The following C1orf216 variants were observed in gnomAD, a reference collection of about 807,000 sequenced individuals.
C1orf216 encodes chromosome 1 open reading frame 216.
A neutral mutation model predicts 16.4 loss-of-function variants in C1orf216; 18 were observed. The observed-to-expected ratio is 1.10, with a 90% confidence interval of 0.76 to 1.63. C1orf216 has a LOEUF of 1.63. Ranked by LOEUF, C1orf216 falls within the 40% of genes most tolerant of loss-of-function variation. The pLI, the probability that C1orf216 is intolerant of heterozygous loss-of-function variation, is 0.00. For synonymous variants in C1orf216, 115 were observed against 116.9 expected, an observed-to-expected ratio of 0.98 and a Z score of 0.11; for missense variants, 271 against 297.6, an observed-to-expected ratio of 0.91 and a Z score of 0.66.
chr1:35,717,418 G>A (rs747589564), intron 1 of C1orf216, among the ~76,000 whole-genome samples: 5 of 151,910 alleles, frequency 3.3e-5, no homozygotes, highest in Non-Finnish European at 7.4e-5. Context: ...TTTTCTTACA[G>A]TATTCCTTTG....
At position 35,717,093 on chromosome 1, in the gene C1orf216, A is replaced by T. The variant is rs889986292; in HGVS notation, c.-5-767T>A. 3.9e-5 allele frequency among the ~76,000 whole-genome samples: 6 copies of T among 152,062 alleles called. No individual in the cohort carries two copies. The East Asian group carries it at 7.7e-4, about 20-fold the overall frequency. On this transcript the variant is annotated intron_variant, in intron 1 of 1. Transcript: ENST00000270815. ...TCTGTACTCCATCCAGAAAGCTGAG[A>T]GCATCCTGGGGTCCTCACTATCCTT... is the stretch of plus-strand genomic sequence containing the variant.
intron 1 of C1orf216, among the ~76,000 whole-genome samples, chr1:35,717,984 C>T (rs1640978592): frequency 6.6e-6 from 1 of 152,082 alleles, no homozygotes; most frequent in Admixed American, 6.6e-5. Context: ...CCAGGGAGCC[C>T]CGCCTTCCCC....
rs1640927584 is a variant in C1orf216, at chr1:35,714,979, A to T, written c.*653T>A. ...ATCCCAGGAGAATGGGTCAGCCACA[A>T]CCTTCAGATAAATGACAGCATGCTA... On this transcript the variant is annotated 3_prime_UTR_variant, in exon 2 of 2. Coordinates refer to ENST00000270815, the MANE Select transcript of C1orf216 (RefSeq NM_152374.2). The T allele has an allele frequency of 6.6e-6, 1 of 152,652 alleles. No homozygotes were observed. Among genetic ancestry groups the T allele is most frequent in the East Asian group, 1.9e-4 (1 of 5,204 alleles). 9.5% of individuals were successfully genotyped at this position (152,652 alleles called of 1,614,324 possible). A position where few individuals can be genotyped will look rare whatever the true frequency, so the allele number is the denominator to read the frequency against.
rs1476909503 is a variant in C1orf216 at position 35,714,756 on chromosome 1, C to A, written c.*876G>T. On this transcript the variant is annotated 3_prime_UTR_variant, in exon 2 of 2. Coordinates refer to ENST00000270815, the MANE Select transcript of C1orf216 (RefSeq NM_152374.2). ...CTATGTCCTCTGTCCCCATCCCCAC[C>A]ATCATCTTCATCACTACTCCTGGTT... 2 of 152,550 alleles carry A rather than the reference C, an allele frequency of 1.3e-5. No individual in the cohort carries two copies. The highest frequency in any genetic ancestry group is 4.8e-5 in the African/African-American group (2 of 41,466). 9.4% of individuals were successfully genotyped at this position (152,550 alleles called of 1,614,324 possible).
Position 35,716,051 on chromosome 1 carries a change from G to A in C1orf216, c.271C>T (p.Pro91Ser), listed in dbSNP as rs563604914. ...VRSPPEGAEIPGAEPEKMGGA... is the reference protein window; with the variant it reads ...VRSPPEGAEISGAEPEKMGGA... ...CCCATCTTCTCAGGCTCAGCCCCGG[G>A]AATCTCTGCCCCCTCTGGGGGGCTG... The change falls in exon 2 of 2, where the codon CCC becomes TCC. Residue 91 changes from proline (P) to serine (S), a missense_variant. Around this residue, in one of 3 missense-constraint regions of C1orf216, gnomAD observed 220 missense variants for 227.8 expected, o/e 0.97. Coordinates refer to ENST00000270815, the MANE Select transcript of C1orf216 (RefSeq NM_152374.2). 1 of 1,614,078 alleles carries A rather than the reference G, an allele frequency of 6.2e-7. No homozygotes were observed. Among genetic ancestry groups the A allele is most frequent in the East Asian group, 2.2e-5 (1 of 44,870 alleles).
Position 35,715,620 on chromosome 1 carries a change from G to A in C1orf216, c.*12C>T. On this transcript the variant is annotated 3_prime_UTR_variant, in exon 2 of 2. Transcript: ENST00000270815. This position sits in a 1 kb window ranked among gnomAD's most constrained non-coding sequence, Gnocchi z 4.3. ...TATACATATACCCTTGCACACTTGT[G>A]GAGGCACACCCTTAGGCCTGGTCCT... 1 of 1,600,012 alleles carries A rather than the reference G, an allele frequency of 6.2e-7. No individual in the cohort carries two copies. The highest frequency in any genetic ancestry group is 1.1e-5 in the South Asian group (1 of 89,624).
At position 35,716,343 on chromosome 1, in the gene C1orf216, G is replaced by A; in HGVS notation, c.-5-17C>T. 1.3e-6 allele frequency: 2 copies of A among 1,590,528 alleles called. No homozygotes were observed. The highest frequency in any genetic ancestry group is 1.7e-6 in the Non-Finnish European group (2 of 1,168,248). On this transcript the variant is annotated splice_polypyrimidine_tract_variant and intron_variant, in intron 1 of 1. Transcript: ENST00000270815. The stretch of plus-strand genomic sequence containing the variant: ...ACATCTAGCCTGTAAAGGGAAAGCA[G>A]GAGACCGAGTCACAGTAGGACAGGG...
In C1orf216 at chr1:35,715,119, A is replaced by G. The variant is rs1317889871; in HGVS notation, c.*513T>C. 1 of 166,118 alleles carries G rather than the reference A, an allele frequency of 6.0e-6. No individual in the cohort carries two copies. Among genetic ancestry groups the G allele is most frequent in the Non-Finnish European group, 1.3e-5 (1 of 75,440 alleles). The allele number at this position is 166,118 out of a possible 1,614,324, so 10.3% of individuals were successfully genotyped here. A position where few individuals can be genotyped will look rare whatever the true frequency, so the allele number is the denominator to read the frequency against. On this transcript the variant is annotated 3_prime_UTR_variant, in exon 2 of 2. Coordinates refer to ENST00000270815, the MANE Select transcript of C1orf216 (RefSeq NM_152374.2). This position sits in a 1 kb window ranked among gnomAD's most constrained non-coding sequence, Gnocchi z 4.3. ...AGTGCAGCTGGATATGTATTTGCAC[A>G]CACCTGCTCATGAGTCTGCCTACAA...
Position 35,716,312 on chromosome 1 carries a change from T to G in C1orf216, c.10A>C (p.Ile4Leu), listed in dbSNP as rs1353103908. MFA[I>L]QPGLAEGGQF... Reference sequence around the variant, plus strand: ...CCCCCCTCAGCTAGCCCTGGCTGGATGGCGAACATCTAGCCTGTAAAGGGA... The same window carrying G: ...CCCCCCTCAGCTAGCCCTGGCTGGAGGGCGAACATCTAGCCTGTAAAGGGA... The change falls in exon 2 of 2, where the codon ATC becomes CTC. Residue 4 changes from isoleucine (I) to leucine (L), a missense_variant. By Grantham distance (5) the Ile-to-Leu change is conservative. This residue lies in a region of C1orf216 where 44 missense variants were observed against 46.0 expected (regional missense o/e 0.96). Coordinates refer to ENST00000270815, the MANE Select transcript of C1orf216 (RefSeq NM_152374.2). The G allele has an allele frequency of 6.8e-6, 11 of 1,612,172 alleles. No homozygotes were observed. The highest frequency in any genetic ancestry group is 8.5e-6 in the Non-Finnish European group (10 of 1,179,004).
rs200463413 is a variant in C1orf216, at chr1:35,715,768, C to T, written c.554G>A (p.Arg185Gln). Residue 185 changes from arginine (R) to glutamine (Q), a missense_variant, in exon 2 of 2, where the codon CGG (arginine) becomes CAG (glutamine). Around this residue, in one of 3 missense-constraint regions of C1orf216, gnomAD observed 220 missense variants for 227.8 expected, o/e 0.97. Transcript: ENST00000270815. This position sits in a 1 kb window ranked among gnomAD's most constrained non-coding sequence, Gnocchi z 4.3. ...YRRLALLQWIRGLQHQLIDQQ... is the reference protein window; with the variant it reads ...YRRLALLQWIQGLQHQLIDQQ... ...GTCAATCAACTGATGCTGCAGGCCC[C>T]GGATCCACTGGAGCAGTGCCAGGCG... 47 of 1,614,184 alleles carry T rather than the reference C, an allele frequency of 2.9e-5. No individual in the cohort carries two copies. The highest frequency in any genetic ancestry group is 1.8e-4 in the Admixed American group (11 of 60,026).
intron 1 of C1orf216, among the ~76,000 whole-genome samples, chr1:35,717,627 C>T (rs1571176022): frequency 6.6e-6 from 1 of 152,184 alleles, no homozygotes. Context: ...GTCCCCACTG[C>T]GCTGGGTATA....
At chr1:35,716,536 T>C in intron 1 of C1orf216, 1 of 587,756 alleles carries the variant, frequency 1.7e-6, no homozygotes, top group Non-Finnish European at 3.0e-6. Context: ...GGGTTTTTCC[T>C]CCGTCCTCAG....
At position 35,714,293 on chromosome 1, in the gene C1orf216, A is replaced by C. The variant is rs2148601586; in HGVS notation, c.*1339T>G. ...GTTTGAAGGGCCATGCAGTGAAAGAAGGGGTTAAAATTCAGCATCCTAAGC... is the reference window on the plus strand; with the variant it reads ...GTTTGAAGGGCCATGCAGTGAAAGACGGGGTTAAAATTCAGCATCCTAAGC... On this transcript the variant is annotated 3_prime_UTR_variant, in exon 2 of 2. Transcript: ENST00000270815. 1 of 152,360 alleles carries C rather than the reference A, an allele frequency of 6.6e-6. No homozygotes were observed. The highest frequency in any genetic ancestry group is 1.5e-5 in the Non-Finnish European group (1 of 68,052). The allele number at this position is 152,360 out of a possible 1,614,324, so 9.4% of individuals were successfully genotyped here.
At position 35,716,325 on chromosome 1, in the gene C1orf216, G is replaced by T. The variant is rs1640957387; in HGVS notation, c.-4C>A. 4 of 1,607,812 alleles carry T rather than the reference G, an allele frequency of 2.5e-6. No homozygotes were observed. Among genetic ancestry groups the T allele is most frequent in the Non-Finnish European group, 3.4e-6 (4 of 1,176,884 alleles). On this transcript the variant is annotated splice_region_variant and 5_prime_UTR_variant, in exon 2 of 2. Transcript: ENST00000270815. ...GCCCTGGCTGGATGGCGAACATCTA[G>T]CCTGTAAAGGGAAAGCAGGAGACCG...
At position 35,715,618 on chromosome 1, in the gene C1orf216, G is replaced by A; in HGVS notation, c.*14C>T. On this transcript the variant is annotated 3_prime_UTR_variant, in exon 2 of 2. Transcript: ENST00000270815. This position sits in a 1 kb window ranked among gnomAD's most constrained non-coding sequence, Gnocchi z 4.3. ...TATATACATATACCCTTGCACACTT[G>A]TGGAGGCACACCCTTAGGCCTGGTC... The A allele has an allele frequency of 1.3e-6, 2 of 1,599,608 alleles. No individual in the cohort carries two copies. The highest frequency in any genetic ancestry group is 1.7e-6 in the Non-Finnish European group (2 of 1,171,524).
At chr1:35,717,953 T>C (rs1401925404) in intron 1 of C1orf216, among the ~76,000 whole-genome samples, 1 of 152,144 alleles carries the variant, frequency 6.6e-6, no homozygotes, top group Non-Finnish European at 1.5e-5. Flanking sequence ...GAGCTGGGTT[T>C]GGTTCCCTTT....
rs758408075 is a variant in C1orf216, at chr1:35,715,587, T to C, written c.*45A>G. ...CTTACTAGTGCGCCTCACACATGCC[T>C]GCAAATATATACATATACCCTTGCA... is the stretch of plus-strand genomic sequence containing the variant. On this transcript the variant is annotated 3_prime_UTR_variant, in exon 2 of 2. Coordinates refer to ENST00000270815, the MANE Select transcript of C1orf216 (RefSeq NM_152374.2). This position sits in a 1 kb window ranked among gnomAD's most constrained non-coding sequence, Gnocchi z 4.3. 1 of 1,545,898 alleles carries C rather than the reference T, an allele frequency of 6.5e-7. No individual in the cohort carries two copies. Among genetic ancestry groups the C allele is most frequent in the Admixed American group, 2.0e-5 (1 of 50,848 alleles).
At chr1:35,716,525 A>T (rs1640959909) in intron 1 of C1orf216, 199 bp from the exon 2 acceptor site, 2 of 595,848 alleles carry the variant, frequency 3.4e-6, no homozygotes, top group East Asian at 5.7e-5. Context: ...TCTCCTGCAA[A>T]GGGTTTTTCC....
At chr1:35,718,178 G>A (rs1012027741) in intron 1 of C1orf216, among the ~76,000 whole-genome samples, 3 of 152,156 alleles carry the variant, frequency 2.0e-5, no homozygotes, top group African/African-American at 7.2e-5. Flanking sequence ...AACTGACAAA[G>A]GGATTCTACT....
Sources: allele counts gnomAD v4.1 joint callset (sites outside exome capture counted in the v4.1 genomes callset), GRCh38; gene constraint gnomAD v4.1.1; regional missense constraint gnomAD v4.1.1; non-coding constraint Gnocchi (gnomAD v3.1); transcripts MANE v1.5; gene names NCBI Gene and HGNC (gene_info 2026-07-23, HGNC 2026-07-21).